Variants in DGKI observed in about 807,000 individuals in gnomAD.
DGKI encodes diacylglycerol kinase iota, also known as DAG kinase iota.
A neutral mutation model predicts 147.5 loss-of-function variants in DGKI; 55 were observed. That is an observed-to-expected ratio of 0.37 (90% CI 0.30 to 0.47). The LOEUF (loss-of-function observed/expected upper bound fraction) is 0.47. DGKI is among the 20% of genes least tolerant of loss of function. The pLI is 1.00. For missense variants in DGKI, 1,007 were observed against 1,323.8 expected (o/e 0.76, Z 3.71); for synonymous variants, 469 against 477.1 (o/e 0.98, Z 0.22).
intron 21 of DGKI, among the ~76,000 whole-genome samples, chr7:137,508,471 C>G (rs1487042353): frequency 2.6e-5 from 4 of 152,014 alleles, no homozygotes; most frequent in Non-Finnish European, 1.5e-5. Flanking sequence ...CGTGATCTGT[C>G]CACCTCGGCC....
chr7:137,490,488 A>G (rs1815724770), intron 21 of DGKI, among the ~76,000 whole-genome samples: 1 of 152,232 alleles, frequency 6.6e-6, no homozygotes, highest in African/African-American at 2.4e-5. Flanking sequence ...AATTTAGCAT[A>G]GTACTACAAG....
rs1563075678 is a variant in DGKI, at chr7:137,540,761, CCA to C, written c.2147+11606_2147+11607del. Among the ~76,000 whole-genome samples the C allele has an allele frequency of 4.2e-4, 15 of 35,534 alleles. 1 individual carries two copies. The highest frequency in any genetic ancestry group is 9.2e-4 in the Non-Finnish European group (10 of 10,894). 23.3% of individuals were successfully genotyped at this position (35,534 alleles called of 152,430 possible). On this transcript the variant is annotated intron_variant, in intron 20 of 32. Transcript: ENST00000614521. ...GGAAACAAACATTTTAAAAACCCCC[CCA>C]AAAAAAAAAAAAAAAAAAAAAAAAA...
chr7:137,436,569 A>T (rs528702120), intron 28 of DGKI, among the ~76,000 whole-genome samples: 1 of 152,312 alleles, frequency 6.6e-6, no homozygotes, highest in Non-Finnish European at 1.5e-5. Context: ...TGAAAATAAT[A>T]GTAGTATATA....
chr7:137,781,508 A>T (rs1796517792), intron 1 of DGKI, among the ~76,000 whole-genome samples: 1 of 152,108 alleles, frequency 6.6e-6, no homozygotes, highest in African/African-American at 2.4e-5. Context: ...ACCCAATTTA[A>T]TGGGGTCTGA....
intron 19 of DGKI, among the ~76,000 whole-genome samples, chr7:137,558,183 T>C (rs1395996600): frequency 3.3e-5 from 5 of 152,240 alleles, no homozygotes; most frequent in Non-Finnish European, 7.3e-5. Flanking sequence ...CACAACATTT[T>C]ACAAGCTATT....
At chr7:137,578,119 C>A (rs1032455773) in intron 16 of DGKI, 151 bp downstream of exon 16, 20 of 556,846 alleles carry the variant, frequency 3.6e-5, no homozygotes, top group Non-Finnish European at 6.0e-5. Flanking sequence ...CACTTTCATT[C>A]TTAAGCCCAG....
intron 30 of DGKI, among the ~76,000 whole-genome samples, chr7:137,405,127 C>G (rs1319604460): frequency 6.6e-6 from 1 of 152,116 alleles, no homozygotes; most frequent in Non-Finnish European, 1.5e-5. Context: ...GGGCACAGGA[C>G]TCATCATTCA....
At chr7:137,424,795 C>A (rs1334389258) in intron 28 of DGKI, among the ~76,000 whole-genome samples, 1 of 152,212 alleles carries the variant, frequency 6.6e-6, no homozygotes, top group Non-Finnish European at 1.5e-5. Context: ...GCTAGCACAG[C>A]AGTCTGAGAT....
intron 20 of DGKI, among the ~76,000 whole-genome samples, chr7:137,552,162 TAAC>T (rs1447827028): frequency 6.6e-6 from 1 of 152,070 alleles, no homozygotes; most frequent in Admixed American, 6.5e-5. Flanking sequence ...TGTACAGTAA[TAAC>T]TACTAAAAGA....
intron 1 of DGKI, chr7:137,771,554 C>T (rs1433430513): frequency 1.3e-5 from 2 of 152,162 alleles, no homozygotes; most frequent in South Asian, 2.1e-4. Flanking sequence ...TAAATTCTCT[C>T]TTAAACAAGA....
intron 17 of DGKI, among the ~76,000 whole-genome samples, chr7:137,573,958 G>A (rs986032292): frequency 6.6e-6 from 1 of 152,198 alleles, no homozygotes; most frequent in Non-Finnish European, 1.5e-5. Context: ...GATGTCAAAG[G>A]CGTAAAGCCT....
chr7:137,829,176 T>C (rs968025554), intron 1 of DGKI, among the ~76,000 whole-genome samples: 1 of 152,176 alleles, frequency 6.6e-6, no homozygotes, highest in Non-Finnish European at 1.5e-5. Flanking sequence ...GAAGATGCAG[T>C]TTGCAAAGGA....
At chr7:137,623,609 C>T in intron 6 of DGKI, 55 bp from the exon 7 acceptor site, 2 of 1,496,352 alleles carry the variant, frequency 1.3e-6, no homozygotes, top group East Asian at 2.3e-5. Context: ...TTACAGCGCA[C>T]ATTTGCCCTC....
chr7:137,512,761 A>C (rs1254279976), intron 21 of DGKI, among the ~76,000 whole-genome samples: 1 of 152,200 alleles, frequency 6.6e-6, no homozygotes, highest in Non-Finnish European at 1.5e-5. Flanking sequence ...TTAACTTCTA[A>C]TATAGCACAG....
intron 20 of DGKI, among the ~76,000 whole-genome samples, chr7:137,524,538 A>C (rs1817075077): frequency 6.7e-6 from 1 of 150,338 alleles, no homozygotes; most frequent in Non-Finnish European, 1.5e-5. Flanking sequence ...GAGTGACCAC[A>C]TGGTGTTCAC....
At chr7:137,510,870 C>G (rs1816557153) in intron 21 of DGKI, among the ~76,000 whole-genome samples, 1 of 152,202 alleles carries the variant, frequency 6.6e-6, no homozygotes, top group African/African-American at 2.4e-5. Flanking sequence ...ACATGGACAG[C>G]TTCTATGAGG....
At chr7:137,552,939 T>C (rs1194741429) in intron 19 of DGKI, among the ~76,000 whole-genome samples, 1 of 151,802 alleles carries the variant, frequency 6.6e-6, no homozygotes, top group Non-Finnish European at 1.5e-5. Context: ...AAAAGAAAGC[T>C]GGAAACCCCC....
intron 28 of DGKI, among the ~76,000 whole-genome samples, chr7:137,429,541 AAATTGACAAATGGGATCT>A (rs1265007841): frequency 6.6e-6 from 1 of 151,368 alleles, no homozygotes; most frequent in African/African-American, 2.4e-5. Flanking sequence ...ACAAAAGACA[AAATTGACAAATGGGATCT>A]AATTAAACTA....
chr7:137,518,495 T>A (rs1348754877), intron 21 of DGKI, among the ~76,000 whole-genome samples: 3 of 152,138 alleles, frequency 2.0e-5, no homozygotes. Flanking sequence ...CAGATAATAC[T>A]GAATTATACT....
Sources: gnomAD v4.1 joint callset for allele counts (sites outside exome capture counted in the v4.1 genomes callset) on GRCh38, gnomAD v4.1.1 for gene constraint, MANE v1.5 for transcripts, NCBI Gene and HGNC (gene_info 2026-07-23, HGNC 2026-07-21) for gene names.